The following LRRC8C variants were observed in gnomAD, a reference collection of about 807,000 sequenced individuals.
LRRC8C encodes volume-regulated anion channel subunit LRRC8C.
A neutral mutation model predicts 55.3 loss-of-function variants in LRRC8C; 20 were observed. The ratio of observed to expected loss-of-function variants is 0.36; its 90% CI spans 0.25 to 0.53. LRRC8C has a LOEUF of 0.53. LRRC8C is among the 20% of genes least tolerant of loss of function. LRRC8C has a pLI of 0.92. For synonymous variants in LRRC8C, 376 were observed against 360.7 expected (o/e 1.04, Z -0.48); for missense variants, 659 against 951.4 (o/e 0.69, Z 4.04).
At chr1:89,662,085 C>A (rs1035716822) in intron 1 of LRRC8C, among the ~76,000 whole-genome samples, 3 of 152,148 alleles carry the variant, frequency 2.0e-5, no homozygotes, top group African/African-American at 7.2e-5. Context: ...CTCCCTGGGA[C>A]ACACTTGAAG....
chr1:89,689,015 T>TCC lies in LRRC8C; in HGVS notation c.138+2404_138+2405insCC, dbSNP rs879791000. On this transcript the variant is annotated intron_variant, in intron 2 of 2. Transcript: ENST00000370454. ...ATCACTTTCCTTGCACTGGAGATGATTTGGGGAGGAGAGGCTCAGGAGGAC... is the reference window on the plus strand; with the variant it reads ...ATCACTTTCCTTGCACTGGAGATGATCCTTGGGGAGGAGAGGCTCAGGAGGAC... Among the ~76,000 whole-genome samples, 366 of 152,196 alleles carry TCC rather than the reference T, an allele frequency of 2.4e-3. 5 individuals are homozygous for TCC. Among genetic ancestry groups the TCC allele is most frequent in the Admixed American group, 0.018 (269 of 15,284 alleles).
intron 1 of LRRC8C, among the ~76,000 whole-genome samples, chr1:89,643,894 A>G (rs559328797): frequency 6.6e-6 from 1 of 152,356 alleles, no homozygotes; most frequent in East Asian, 1.9e-4. Context: ...ATAACAATCA[A>G]ACATTTGAAT....
intron 2 of LRRC8C, among the ~76,000 whole-genome samples, chr1:89,704,718 A>T (rs1420628029): frequency 6.6e-6 from 1 of 152,146 alleles, no homozygotes; most frequent in Non-Finnish European, 1.5e-5. Context: ...CAAAACCACA[A>T]TGAGATACCA....
rs1351899986 is a variant in LRRC8C at position 89,633,583 on chromosome 1, G to A, written c.-5+261G>A. ...AGCGGCCGCGCGAGGATCTCAGCCTGGCGCCCAACGCCGCGCCGCAGCGGC... is the reference window on the plus strand; with the variant it reads ...AGCGGCCGCGCGAGGATCTCAGCCTAGCGCCCAACGCCGCGCCGCAGCGGC... On this transcript the variant is annotated intron_variant, in intron 1 of 2. Transcript: ENST00000370454. 6.6e-5 allele frequency among the ~76,000 whole-genome samples: 10 copies of A among 152,320 alleles called. No individual in the cohort carries two copies. The East Asian group carries it at 1.9e-3, about 29-fold the overall frequency.
chr1:89,715,502 C>T lies in LRRC8C; in HGVS notation c.*520C>T, dbSNP rs1658793055. 6.6e-6 allele frequency: 1 copy of T among 152,224 alleles called. No homozygotes were observed. 9.4% of individuals were successfully genotyped at this position (152,224 alleles called of 1,614,324 possible). ...ATTGTCATAGAGTATTTTAAATGTT[C>T]CCCTGCCTCCAACAAAACCCTAAAC... is the stretch of plus-strand genomic sequence containing the variant. On this transcript the variant is annotated 3_prime_UTR_variant, in exon 3 of 3. Coordinates refer to ENST00000370454, the MANE Select transcript of LRRC8C (RefSeq NM_032270.5).
At chr1:89,672,706 G>A (rs543578749) in intron 1 of LRRC8C, among the ~76,000 whole-genome samples, 4 of 152,218 alleles carry the variant, frequency 2.6e-5, no homozygotes, top group East Asian at 3.9e-4. Flanking sequence ...AAGACTGGCC[G>A]TGCTTGTGTC....
At position 89,714,094 on chromosome 1, in the gene LRRC8C, C is replaced by G. The variant is rs747655464; in HGVS notation, c.1524C>G (p.Pro508=). The G allele has an allele frequency of 9.9e-6, 16 of 1,613,976 alleles. No homozygotes were observed. The highest frequency in any genetic ancestry group is 4.5e-5 in the East Asian group (2 of 44,900). ...TTGATGACATGAGGGAACTCCCCCC[C>G]TGGATGTATGGGCTCCGAAATCTGG... ...VKFDDMRELP[P]WMYGLRNLEE... The change falls in exon 3 of 3, where the codon CCC becomes CCG. Residue 508 remains proline (P), a synonymous_variant. Coordinates refer to ENST00000370454, the MANE Select transcript of LRRC8C (RefSeq NM_032270.5). The surrounding 1 kb of genome is among the most constrained non-coding windows in gnomAD (Gnocchi z 4.6).
upstream of LRRC8C, among the ~76,000 whole-genome samples, chr1:89,631,381 G>A (rs1656105110): frequency 6.6e-6 from 1 of 152,136 alleles, no homozygotes; most frequent in African/African-American, 2.4e-5. Context: ...TAGCAAGGGA[G>A]CATTTCAGGG....
chr1:89,670,135 A>G (rs762723839), intron 1 of LRRC8C, among the ~76,000 whole-genome samples: 3 of 152,198 alleles, frequency 2.0e-5, no homozygotes, highest in Non-Finnish European at 4.4e-5. Flanking sequence ...AGAAAGGTCC[A>G]GAATAGTTAT....
the LRRC8C span, among the ~76,000 whole-genome samples, chr1:89,623,871 C>A: frequency 6.6e-6 from 1 of 152,162 alleles, no homozygotes; most frequent in Non-Finnish European, 1.5e-5. Context: ...AAAAGCTAGT[C>A]GTTGTAAAGA....
chr1:89,617,654 C>T, the LRRC8C span, among the ~76,000 whole-genome samples: 2 of 152,144 alleles, frequency 1.3e-5, no homozygotes, highest in Non-Finnish European at 2.9e-5. Context: ...AGAATTGGCA[C>T]AGATTAAGGG....
intron 2 of LRRC8C, among the ~76,000 whole-genome samples, chr1:89,706,638 A>G (rs1014682225): frequency 3.3e-5 from 5 of 152,174 alleles, no homozygotes; most frequent in African/African-American, 1.2e-4. Context: ...CTCCACTTAC[A>G]GTGCATCTCT....
intron 2 of LRRC8C, among the ~76,000 whole-genome samples, chr1:89,705,346 C>T (rs1484428130): frequency 2.0e-5 from 3 of 149,968 alleles, no homozygotes; most frequent in South Asian, 2.1e-4. Flanking sequence ...GTGGGTGCAG[C>T]GCACCAGCAT....
the LRRC8C span, among the ~76,000 whole-genome samples, chr1:89,623,548 C>G: frequency 6.6e-6 from 1 of 152,124 alleles, no homozygotes; most frequent in Admixed American, 6.5e-5. Flanking sequence ...CAGTGAAATC[C>G]CGTCTCTACT....
At chr1:89,616,417 G>A in the LRRC8C span, among the ~76,000 whole-genome samples, 1 of 152,336 alleles carries the variant, frequency 6.6e-6, no homozygotes, top group Admixed American at 6.5e-5. Context: ...AGGCAACTGT[G>A]CCAAGGATAT....
chr1:89,676,862 C>T (rs1657562438), intron 1 of LRRC8C, among the ~76,000 whole-genome samples: 1 of 152,148 alleles, frequency 6.6e-6, no homozygotes, highest in African/African-American at 2.4e-5. Flanking sequence ...GAGGGATTCT[C>T]TCAGCACCTA....
chr1:89,685,098 G>GT (rs1657830322), intron 1 of LRRC8C, among the ~76,000 whole-genome samples: 23 of 115,078 alleles, frequency 2.0e-4, no homozygotes, highest in African/African-American at 6.4e-4. Context: ...TGTCTATCTA[G>GT]TTCTTTTTTT....
chr1:89,670,723 G>A (rs1319638760), intron 1 of LRRC8C, among the ~76,000 whole-genome samples: 2 of 152,014 alleles, frequency 1.3e-5, no homozygotes, highest in African/African-American at 4.8e-5. Context: ...TATACAGCAA[G>A]GAATTTATCA....
At chr1:89,635,398 C>G (rs1193503216) in intron 1 of LRRC8C, among the ~76,000 whole-genome samples, 1 of 152,100 alleles carries the variant, frequency 6.6e-6, no homozygotes, top group African/African-American at 2.4e-5. Flanking sequence ...CATAATCTAG[C>G]TGCATGCTAG....
Sources: gnomAD v4.1 joint callset for allele counts (sites outside exome capture counted in the v4.1 genomes callset) on GRCh38, gnomAD v4.1.1 for gene constraint, Gnocchi (gnomAD v3.1) non-coding constraint, MANE v1.5 for transcripts, NCBI Gene and HGNC (gene_info 2026-07-23, HGNC 2026-07-21) for gene names.